AGBL2: variants seen among roughly 807,000 people sequenced by gnomAD.
The protein encoded by AGBL2 is cytosolic carboxypeptidase 2.
Under a neutral mutation model 103.0 loss-of-function variants are expected in AGBL2, and 87 were observed. The ratio of observed to expected loss-of-function variants is 0.84; its 90% confidence interval spans 0.71 to 1.01. The LOEUF (loss-of-function observed/expected upper bound fraction) is 1.01, where lower values mean the gene tolerates loss of function less well. Among genes scored for constraint, AGBL2 ranks in the 50% least tolerant of loss-of-function variants. The pLI is 0.00. For synonymous variants in AGBL2, 335 were observed against 356.7 expected (o/e 0.94, Z 0.69); for missense variants, 904 against 1,023.5 (o/e 0.88, Z 1.59).
At chr11:47,700,321 G>A (rs1019271280) in intron 7 of AGBL2, among the ~76,000 whole-genome samples, 1 of 152,140 alleles carries the variant, frequency 6.6e-6, no homozygotes, top group Non-Finnish European at 1.5e-5. Flanking sequence ...GCTTATGCCT[G>A]TAATCCCAGC....
intron 10 of AGBL2, among the ~76,000 whole-genome samples, chr11:47,689,641 T>G (rs888266640): frequency 2.0e-5 from 3 of 152,150 alleles, no homozygotes; most frequent in African/African-American, 7.2e-5. Context: ...ACATGCGATA[T>G]TGACTGTGCC....
intron 17 of AGBL2, chr11:47,666,630 A>G (rs2097342084): frequency 5.5e-6 from 3 of 544,170 alleles, no homozygotes; most frequent in Non-Finnish European, 9.6e-6. Context: ...GGTGCCCAAT[A>G]AAATTCATTG....
At position 47,685,916 on chromosome 11, in the gene AGBL2, A is replaced by G; in HGVS notation, c.1765T>C (p.Leu589=). The change falls in exon 11 of 19, where the codon TTA becomes CTA. Residue 589 remains leucine, a synonymous_variant. Transcript: ENST00000525123. Reference sequence around the variant, plus strand: ...ACCTTATCTGGTGCATTTTTGCATAACATTAAAGGAAAGACTCGTTCATGA... The same window carrying G: ...ACCTTATCTGGTGCATTTTTGCATAGCATTAAAGGAAAGACTCGTTCATGA... ...WLHERVFPLM[L]CKNAPDKFSF... is the part of the protein sequence containing the mutation. The G allele has an allele frequency of 6.2e-7, 1 of 1,613,938 alleles. No individual in the cohort carries two copies. Among genetic ancestry groups the G allele is most frequent in the South Asian group, 1.1e-5 (1 of 91,014 alleles).
At chr11:47,678,330 ATT>A (rs869274971) in intron 13 of AGBL2, among the ~76,000 whole-genome samples, 2 of 114,366 alleles carry the variant, frequency 1.7e-5, no homozygotes, top group South Asian at 4.1e-4. Flanking sequence ...ATTTTATTTT[ATT>A]TTATTATTTT....
intron 7 of AGBL2, among the ~76,000 whole-genome samples, chr11:47,699,895 AT>A (rs1007893193): frequency 1.3e-5 from 2 of 151,982 alleles, no homozygotes; most frequent in Non-Finnish European, 2.9e-5. Context: ...CATTAACATA[AT>A]TTTTTTTATT....
At chr11:47,706,056 T>C in intron 4 of AGBL2, 139 bp from the exon 5 acceptor site, 1 of 690,746 alleles carries the variant, frequency 1.4e-6, no homozygotes, top group Non-Finnish European at 2.6e-6. Flanking sequence ...TCCCATACTT[T>C]AATGGGGGAA....
intron 11 of AGBL2, among the ~76,000 whole-genome samples, chr11:47,682,358 G>A (rs1249217881): frequency 6.6e-6 from 1 of 152,078 alleles, no homozygotes; most frequent in African/African-American, 2.4e-5. Context: ...TTTAATATGA[G>A]GACTGTAATC....
chr11:47,668,200 C>A (rs891072867), intron 15 of AGBL2, among the ~76,000 whole-genome samples: 1 of 116,130 alleles, frequency 8.6e-6, no homozygotes. Flanking sequence ...CAGAGTGAGA[C>A]TCCATCTCAA....
At chr11:47,700,551 C>A (rs1485232463) in intron 7 of AGBL2, among the ~76,000 whole-genome samples, 1 of 151,990 alleles carries the variant, frequency 6.6e-6, no homozygotes, top group Non-Finnish European at 1.5e-5. Flanking sequence ...TGCGTGCCAG[C>A]CTGGGCGAAC....
chr11:47,713,926 A>T (rs1041108927), intron 3 of AGBL2: 8 of 201,984 alleles, frequency 4.0e-5, no homozygotes, highest in African/African-American at 1.9e-4. Flanking sequence ...CAAAGACTCA[A>T]GAACAGCCGT....
At chr11:47,667,155 C>A in intron 16 of AGBL2, 92 bp from the exon 17 acceptor site, 1 of 860,900 alleles carries the variant, frequency 1.2e-6, no homozygotes, top group Non-Finnish European at 1.8e-6. Context: ...TCTGAAAGCA[C>A]GTTTGTCTTT....
chr11:47,709,269 A>C (rs1480249298), intron 4 of AGBL2, among the ~76,000 whole-genome samples: 1 of 152,028 alleles, frequency 6.6e-6, no homozygotes, highest in Non-Finnish European at 1.5e-5. Context: ...GCAGCACAGA[A>C]CAAGAGGAGC....
At chr11:47,694,621 G>A (rs1040570191) in intron 8 of AGBL2, among the ~76,000 whole-genome samples, 2 of 152,118 alleles carry the variant, frequency 1.3e-5, no homozygotes, top group African/African-American at 4.8e-5. Context: ...GATGGCACCT[G>A]GAAAAACTGC....
At position 47,668,233 on chromosome 11, in the gene AGBL2, G is replaced by C. The variant is rs139906109; in HGVS notation, c.2215-537C>G. Among the ~76,000 whole-genome samples, 833 of 136,922 alleles carry C rather than the reference G, an allele frequency of 6.1e-3. 7 individuals are homozygous for C. The highest frequency in any genetic ancestry group is 0.01 in the Non-Finnish European group (675 of 64,712). The allele number at this position is 136,922 out of a possible 152,430, so 89.8% of individuals were successfully genotyped here. Reference sequence around the variant, plus strand: ...CAAAAAAAAAAAAAAAAAAGGCCCAGTGCAGCAGCTCACGCCTATATTCCC... The same window carrying C: ...CAAAAAAAAAAAAAAAAAAGGCCCACTGCAGCAGCTCACGCCTATATTCCC... On this transcript the variant is annotated intron_variant, in intron 15 of 18. Coordinates refer to ENST00000525123, the MANE Select transcript of AGBL2 (RefSeq NM_024783.4).
At position 47,678,343 on chromosome 11, in the gene AGBL2, A is replaced by ATTATTTTTTTTTTTTTTTTTTTTTTTT. The variant is rs2097385523; in HGVS notation, c.2017-943_2017-942insAAAAAAAAAAAAAAAAAAAAAAAATAA. Reference sequence around the variant, plus strand: ...TTATTTTATTTTATTTTATTATTTTATTTTTTTTGAGACGGAGTCTTGCTC... The same window carrying ATTATTTTTTTTTTTTTTTTTTTTTTTT: ...TTATTTTATTTTATTTTATTATTTTATTATTTTTTTTTTTTTTTTTTTTTTTTTTTTTTTTGAGACGGAGTCTTGCTC... On this transcript the variant is annotated intron_variant, in intron 13 of 18. Transcript: ENST00000525123. 2.3e-3 allele frequency among the ~76,000 whole-genome samples: 271 copies of ATTATTTTTTTTTTTTTTTTTTTTTTTT among 116,562 alleles called. 15 individuals carry two copies. Among genetic ancestry groups the ATTATTTTTTTTTTTTTTTTTTTTTTTT allele is most frequent in the East Asian group, 8.0e-3 (27 of 3,364 alleles). 76.5% of individuals were successfully genotyped at this position (116,562 alleles called of 152,430 possible).
At chr11:47,701,055 C>CA (rs527373784) in intron 7 of AGBL2, among the ~76,000 whole-genome samples, 5,524 of 131,866 alleles carry the variant, frequency 0.042, 292 homozygotes, top group African/African-American at 0.13. Flanking sequence ...GACTCTGTCT[C>CA]AAAAAAAAAA....
At chr11:47,683,742 G>C in intron 11 of AGBL2, among the ~76,000 whole-genome samples, 1 of 150,402 alleles carries the variant, frequency 6.6e-6, no homozygotes, top group Non-Finnish European at 1.5e-5. Flanking sequence ...CTGCACTCCA[G>C]CCTGGGAGAC....
intron 18 of AGBL2, among the ~76,000 whole-genome samples, chr11:47,661,853 A>T (rs1195763418): frequency 1.3e-5 from 2 of 151,252 alleles, no homozygotes; most frequent in African/African-American, 4.9e-5. Context: ...GGTTCAAGTG[A>T]TCCTCCTGCC....
chr11:47,699,683 A>G (rs776985285), intron 7 of AGBL2, 130 bp from the exon 8 acceptor site: 18 of 524,056 alleles, frequency 3.4e-5, no homozygotes, highest in Non-Finnish European at 5.5e-5. Flanking sequence ...TTCCCACCCT[A>G]AATTTCCTGC....
Sources: allele counts gnomAD v4.1 joint callset (sites outside exome capture counted in the v4.1 genomes callset), GRCh38; gene constraint gnomAD v4.1.1; transcripts MANE v1.5; gene names NCBI Gene and HGNC (gene_info 2026-07-23, HGNC 2026-07-21).